The following WDR7 variants were observed in gnomAD, a reference collection of about 807,000 sequenced individuals.
The protein encoded by WDR7 is WD repeat domain 7.
A neutral mutation model predicts 169.4 loss-of-function variants in WDR7; 46 were observed. The ratio of observed to expected loss-of-function variants is 0.27; its 90% CI spans 0.21 to 0.35. The LOEUF is 0.35. Among genes scored for constraint, WDR7 ranks in the 10% least tolerant of loss-of-function variants. The pLI is 1.00. For synonymous variants in WDR7, 612 were observed against 666.8 expected, an observed-to-expected ratio of 0.92 and a Z score of 1.27; for missense variants, 1,534 against 1,859.3, an observed-to-expected ratio of 0.83 and a Z score of 3.22.
At chr18:56,849,834 A>C (rs1352655019) in intron 20 of WDR7, among the ~76,000 whole-genome samples, 2 of 152,308 alleles carry the variant, frequency 1.3e-5, no homozygotes, top group Non-Finnish European at 2.9e-5. Context: ...CCTGGGCCTG[A>C]GTAGCTGGGA....
At chr18:56,703,677 C>T (rs1395999388) in intron 12 of WDR7, among the ~76,000 whole-genome samples, 6 of 151,862 alleles carry the variant, frequency 4.0e-5, no homozygotes, top group Non-Finnish European at 7.4e-5. Context: ...TTAAATAATA[C>T]ATAGTTATAG....
chr18:57,034,004 A>G (rs62100224), downstream of WDR7: 30,894 of 151,922 alleles, frequency 0.2, 3,673 homozygotes, highest in Non-Finnish European at 0.27. Context: ...CAAAAATTAG[A>G]TGGGCGTGTT....
intron 20 of WDR7, among the ~76,000 whole-genome samples, chr18:56,844,027 T>C (rs1430693072): frequency 1.3e-5 from 2 of 151,966 alleles, no homozygotes; most frequent in Non-Finnish European, 2.9e-5. Flanking sequence ...CACGCCTGGC[T>C]AATTTTTGTA....
intron 21 of WDR7, among the ~76,000 whole-genome samples, chr18:56,900,111 A>AT: frequency 7.3e-6 from 1 of 137,754 alleles, no homozygotes; most frequent in South Asian, 2.1e-4. Flanking sequence ...TATATATATA[A>AT]AATTGTTAAT....
intron 20 of WDR7, among the ~76,000 whole-genome samples, chr18:56,832,384 C>T (rs1264855276): frequency 6.6e-6 from 1 of 152,170 alleles, no homozygotes; most frequent in Non-Finnish European, 1.5e-5. Context: ...GACAGAGCAC[C>T]CGGGGAAAGG....
At chr18:56,747,164 C>T (rs1568171874) in intron 14 of WDR7, among the ~76,000 whole-genome samples, 2 of 152,150 alleles carry the variant, frequency 1.3e-5, no homozygotes, top group South Asian at 2.1e-4. Context: ...TTGAGAGTCC[C>T]CTGATAGCTA....
intron 14 of WDR7, among the ~76,000 whole-genome samples, chr18:56,742,943 T>A (rs201127674): frequency 6.6e-6 from 1 of 151,832 alleles, no homozygotes; most frequent in Non-Finnish European, 1.5e-5. Flanking sequence ...TTTCAAACTT[T>A]AAAAAAAATT....
chr18:56,897,327 C>G (rs2046343939), intron 21 of WDR7, among the ~76,000 whole-genome samples: 1 of 151,754 alleles, frequency 6.6e-6, no homozygotes, highest in East Asian at 1.9e-4. Context: ...CAAGCATGTT[C>G]ATAGCAAACA....
intron 7 of WDR7, among the ~76,000 whole-genome samples, chr18:56,690,815 A>C (rs1205962986): frequency 4.5e-5 from 1 of 22,322 alleles, no homozygotes; most frequent in African/African-American, 5.3e-5. Flanking sequence ...ACTTTGTCTC[A>C]AGAAAAAAAA....
At chr18:57,009,728 G>A (rs1439577811) in intron 26 of WDR7, 2 of 492,516 alleles carry the variant, frequency 4.1e-6, no homozygotes, top group Admixed American at 1.3e-4. Context: ...ACACTTTCAA[G>A]CATTTCTCTT....
intron 26 of WDR7, among the ~76,000 whole-genome samples, chr18:56,977,675 G>A (rs2047587012): frequency 6.6e-6 from 1 of 152,080 alleles, no homozygotes; most frequent in African/African-American, 2.4e-5. Flanking sequence ...TGCAGAGAAA[G>A]GTATTAAAAA....
At chr18:56,725,088 A>G (rs2026413388) in intron 13 of WDR7, among the ~76,000 whole-genome samples, 2 of 150,924 alleles carry the variant, frequency 1.3e-5, no homozygotes, top group East Asian at 1.9e-4. Flanking sequence ...AGTCTTTGCT[A>G]TTGTGAATAG....
At chr18:56,963,898 A>AATTT (rs2047369255) in intron 26 of WDR7, among the ~76,000 whole-genome samples, 1 of 152,006 alleles carries the variant, frequency 6.6e-6, no homozygotes, top group Non-Finnish European at 1.5e-5. Context: ...ACTGCTAGTA[A>AATTT]ATTTGAGAGA....
chr18:57,027,102 C>T lies in WDR7; in HGVS notation c.4368C>T (p.Ser1456=). ...TYQVPPVQPA[S]PGSHNALKLA... is the part of the protein sequence containing the mutation. Reference sequence around the variant, plus strand: ...AGGTGCCCCCTGTGCAGCCCGCGTCCCCCGGCTCCCACAATGCCCTCAAGC... The same window carrying T: ...AGGTGCCCCCTGTGCAGCCCGCGTCTCCCGGCTCCCACAATGCCCTCAAGC... The change falls in exon 28 of 28, where the codon TCC becomes TCT. Residue 1456 remains serine, a synonymous_variant. Transcript: ENST00000254442. The T allele has an allele frequency of 6.2e-7, 1 of 1,614,202 alleles. No individual in the cohort carries two copies. Among genetic ancestry groups the T allele is most frequent in the Non-Finnish European group, 8.5e-7 (1 of 1,180,040 alleles).
chr18:56,864,351 G>A (rs1328799593), intron 20 of WDR7, among the ~76,000 whole-genome samples: 1 of 151,534 alleles, frequency 6.6e-6, no homozygotes, highest in Non-Finnish European at 1.5e-5. Context: ...CTTGAAATCT[G>A]TATTAAATTG....
chr18:57,031,050 C>G (rs370673117), downstream of WDR7: 55 of 152,308 alleles, frequency 3.6e-4, no homozygotes, highest in East Asian at 3.1e-3. Context: ...ATTCAGACTT[C>G]CTGCTTCTGT....
intron 25 of WDR7, among the ~76,000 whole-genome samples, chr18:56,960,778 G>C (rs947148059): frequency 6.6e-6 from 1 of 152,134 alleles, no homozygotes; most frequent in Non-Finnish European, 1.5e-5. Context: ...TTAAGGTAGA[G>C]TAATATTCTT....
chr18:57,019,470 C>T (rs1283988034), intron 26 of WDR7, among the ~76,000 whole-genome samples: 1 of 152,128 alleles, frequency 6.6e-6, no homozygotes, highest in Admixed American at 6.5e-5. Context: ...AAGTCCGGCT[C>T]ACATCAATGC....
At chr18:56,886,664 T>G (rs556059920) in intron 21 of WDR7, among the ~76,000 whole-genome samples, 4 of 152,302 alleles carry the variant, frequency 2.6e-5, no homozygotes, top group South Asian at 4.1e-4. Context: ...ATGCTCCACT[T>G]AAAAGATACA....
Sources: allele counts gnomAD v4.1 joint callset (sites outside exome capture counted in the v4.1 genomes callset), GRCh38; gene constraint gnomAD v4.1.1; transcripts MANE v1.5; gene names NCBI Gene and HGNC (gene_info 2026-07-23, HGNC 2026-07-21).